Variants in SCOC observed in about 807,000 individuals in gnomAD.
SCOC encodes the protein short coiled coil protein.
In SCOC, 7 loss-of-function variants were observed where a neutral mutation model predicts 9.9. The ratio of observed to expected loss-of-function variants is 0.71; its 90% CI spans 0.40 to 1.33. The LOEUF (loss-of-function observed/expected upper bound fraction) is 1.33, where lower values mean the gene tolerates loss of function less well. SCOC is among the 40% of genes most tolerant of loss of function. The probability of loss-of-function intolerance (pLI) is 0.01; values close to 1 mark genes in which losing one functional copy is unlikely to be tolerated. For synonymous variants in SCOC, 19 were observed against 28.2 expected, an observed-to-expected ratio of 0.67 and a Z score of 1.03; for missense variants, 66 against 89.7, an observed-to-expected ratio of 0.74 and a Z score of 1.07.
At chr4:140,344,324 T>G (rs1280305449) in intron 2 of SCOC, among the ~76,000 whole-genome samples, 1 of 152,082 alleles carries the variant, frequency 6.6e-6, no homozygotes, top group Non-Finnish European at 1.5e-5. Flanking sequence ...TGGGTGTGTG[T>G]GGGGTGTGTG....
At chr4:140,272,028 T>G (rs1730856490) in intron 1 of SCOC, among the ~76,000 whole-genome samples, 1 of 150,816 alleles carries the variant, frequency 6.6e-6, no homozygotes, top group South Asian at 2.1e-4. Flanking sequence ...CTCCCACTTC[T>G]GTGGCGGGAG....
At chr4:140,374,202 G>A (rs1560729436) in intron 1 of SCOC, 2 of 456,248 alleles carry the variant, frequency 4.4e-6, no homozygotes, top group Non-Finnish European at 8.8e-6. Context: ...CATTTTTCCA[G>A]GCGGCGAAAG....
chr4:140,348,541 T>C (rs1022868732), intron 2 of SCOC, among the ~76,000 whole-genome samples: 2 of 134,842 alleles, frequency 1.5e-5, no homozygotes, highest in African/African-American at 5.5e-5. Flanking sequence ...TGTATATGTA[T>C]GTATATATAT....
chr4:140,346,760 G>C (rs990990968), intron 2 of SCOC, among the ~76,000 whole-genome samples: 5 of 152,062 alleles, frequency 3.3e-5, no homozygotes, highest in African/African-American at 1.2e-4. Flanking sequence ...CATTACAAAT[G>C]ATAGGATTCC....
At chr4:140,263,434 T>C (rs1730672555) in intron 1 of SCOC, among the ~76,000 whole-genome samples, 2 of 152,114 alleles carry the variant, frequency 1.3e-5, no homozygotes, top group Admixed American at 1.3e-4. Flanking sequence ...GCTCAGAGAC[T>C]CTCCCTGAGC....
intron 1 of SCOC, among the ~76,000 whole-genome samples, chr4:140,293,668 G>A (rs1374355432): frequency 3.3e-5 from 5 of 152,224 alleles, no homozygotes; most frequent in Non-Finnish European, 5.9e-5. Flanking sequence ...ACCATTCCCT[G>A]TCATTGGCTG....
chr4:140,374,160 G>A (rs1000320584), intron 1 of SCOC: 6 of 460,164 alleles, frequency 1.3e-5, no homozygotes, highest in South Asian at 7.7e-5. Context: ...GGTGGGGAGG[G>A]AGCCTAGAGA....
At chr4:140,349,837 C>G (rs1204886249) in intron 2 of SCOC, among the ~76,000 whole-genome samples, 1 of 152,150 alleles carries the variant, frequency 6.6e-6, no homozygotes, top group Non-Finnish European at 1.5e-5. Flanking sequence ...AAATTTTATC[C>G]CTTCAAATCT....
chr4:140,311,250 A>AT (rs1455154653), intron 1 of SCOC, among the ~76,000 whole-genome samples: 2 of 151,936 alleles, frequency 1.3e-5, no homozygotes, highest in Non-Finnish European at 2.9e-5. Flanking sequence ...ATAAAAAAAG[A>AT]TTTTTTTTAA....
intron 1 of SCOC, among the ~76,000 whole-genome samples, chr4:140,330,570 G>A (rs1732790091): frequency 6.6e-6 from 1 of 152,184 alleles, no homozygotes; most frequent in Non-Finnish European, 1.5e-5. Flanking sequence ...TACAAATCAA[G>A]ATTTTCAGAC....
intron 1 of SCOC, among the ~76,000 whole-genome samples, chr4:140,328,384 C>A (rs571843322): frequency 7.9e-5 from 12 of 152,112 alleles, no homozygotes; most frequent in Non-Finnish European, 1.6e-4. Flanking sequence ...CACAACCAAG[C>A]AAGGGACAAA....
intron 1 of SCOC, among the ~76,000 whole-genome samples, chr4:140,312,284 T>C (rs940789863): frequency 2.0e-5 from 3 of 152,164 alleles, no homozygotes; most frequent in Non-Finnish European, 2.9e-5. Flanking sequence ...AGATGATTGA[T>C]AAGACTTTCT....
intron 2 of SCOC, among the ~76,000 whole-genome samples, chr4:140,359,573 T>C (rs1180957434): frequency 2.0e-5 from 3 of 152,108 alleles, no homozygotes; most frequent in Non-Finnish European, 4.4e-5. Flanking sequence ...TGTCAAGGGA[T>C]TTGTGACCAT....
exon 2 of SCOC, chr4:140,343,621 G>T: frequency 6.2e-7 from 1 of 1,608,204 alleles, no homozygotes; most frequent in Non-Finnish European, 8.5e-7. Context: ...TTACTAACAG[G>T]TCTGAAAATT....
chr4:140,292,298 C>T (rs1033557076), intron 1 of SCOC, among the ~76,000 whole-genome samples: 1 of 151,384 alleles, frequency 6.6e-6, no homozygotes, highest in Non-Finnish European at 1.5e-5. Flanking sequence ...AAGTGATTCT[C>T]GTGCCTCACC....
intron 1 of SCOC, among the ~76,000 whole-genome samples, chr4:140,324,501 A>C (rs1464105200): frequency 6.6e-6 from 1 of 152,204 alleles, no homozygotes; most frequent in Non-Finnish European, 1.5e-5. Context: ...GTACATTTAA[A>C]AAGGTCAATA....
chr4:140,319,024 A>AT (rs1321861889), intron 1 of SCOC, among the ~76,000 whole-genome samples: 1 of 151,880 alleles, frequency 6.6e-6, no homozygotes, highest in Non-Finnish European at 1.5e-5. Context: ...CAAGGCTCCC[A>AT]TTTTTTTCTT....
chr4:140,361,444 A>C (rs1727464434), intron 2 of SCOC, among the ~76,000 whole-genome samples: 1 of 152,142 alleles, frequency 6.6e-6, no homozygotes, highest in Non-Finnish European at 1.5e-5. Context: ...TGGGAGGATC[A>C]CTTGAGCCCA....
Position 140,381,122 on chromosome 4 carries a change from G to A in SCOC, c.*18G>A. 1 of 1,562,428 alleles carries A rather than the reference G, an allele frequency of 6.4e-7. No homozygotes were observed. Among genetic ancestry groups the A allele is most frequent in the South Asian group, 1.2e-5 (1 of 80,240 alleles). On this transcript the variant is annotated 3_prime_UTR_variant, in exon 4 of 4. Transcript: ENST00000608372. The stretch of plus-strand genomic sequence containing the variant: ...GAAAGTAAGGGATTGACACCCTTCT[G>A]TTTTATGGAATTGCTGCTGATCATT...
Sources: allele counts gnomAD v4.1 joint callset (sites outside exome capture counted in the v4.1 genomes callset), GRCh38; gene constraint gnomAD v4.1.1; transcripts MANE v1.5; gene names NCBI Gene and HGNC (gene_info 2026-07-23, HGNC 2026-07-21).